CEP112: variants seen among roughly 807,000 people sequenced by gnomAD.
CEP112 encodes the protein centrosomal protein of 112 kDa.
In CEP112, 127 loss-of-function variants were observed where a neutral mutation model predicts 153.0. That is an observed-to-expected ratio of 0.83 (90% CI 0.72 to 0.96). CEP112 has a LOEUF of 0.96. Ranked by LOEUF, CEP112 falls within the 40% of genes least tolerant of loss-of-function variation. CEP112 has a pLI of 0.00. For missense variants in CEP112, 1,089 were observed against 1,101.2 expected (o/e 0.99, Z 0.16); for synonymous variants, 358 against 374.4 (o/e 0.96, Z 0.51).
chr17:66,074,860 T>TAAAAA (rs34251281), intron 8 of CEP112, among the ~76,000 whole-genome samples: 6 of 95,698 alleles, frequency 6.3e-5, no homozygotes, highest in African/African-American at 2.5e-4. Context: ...AGGCTCTGTC[T>TAAAAA]AAAAAAAAAA....
At chr17:66,080,382 C>T (rs1018468160) in intron 8 of CEP112, among the ~76,000 whole-genome samples, 2 of 152,188 alleles carry the variant, frequency 1.3e-5, no homozygotes, top group African/African-American at 2.4e-5. Flanking sequence ...CAAAAGAAGA[C>T]GTTTATACGG....
intron 12 of CEP112, among the ~76,000 whole-genome samples, chr17:66,034,947 T>C (rs9894549): frequency 0.92 from 125,369 of 135,886 alleles, 58,150 homozygotes; most frequent in East Asian, 0.97. Context: ...TACAGGCATG[T>C]GCCACCATGC....
chr17:65,650,251 G>A (rs1447519730), intron 24 of CEP112, among the ~76,000 whole-genome samples: 1 of 152,164 alleles, frequency 6.6e-6, no homozygotes, highest in Admixed American at 6.5e-5. Flanking sequence ...CAGGGAGGGT[G>A]CAGATCTAGG....
chr17:65,840,234 GAGGA>G (rs1237509348), intron 21 of CEP112, among the ~76,000 whole-genome samples: 1 of 152,110 alleles, frequency 6.6e-6, no homozygotes, highest in Admixed American at 6.5e-5. Flanking sequence ...TATAAAGCTA[GAGGA>G]ATTGCACCAT....
intron 21 of CEP112, among the ~76,000 whole-genome samples, chr17:65,763,136 T>A (rs988214319): frequency 6.6e-5 from 10 of 152,098 alleles, no homozygotes; most frequent in African/African-American, 2.2e-4. Flanking sequence ...CTTCTCTCTC[T>A]TCACGCTTGC....
chr17:65,958,809 C>G (rs2062092402), intron 18 of CEP112, among the ~76,000 whole-genome samples: 1 of 152,148 alleles, frequency 6.6e-6, no homozygotes, highest in South Asian at 2.1e-4. Context: ...GGCTGGGAGG[C>G]CTGGCTGCAA....
At chr17:65,966,449 G>A (rs2062418680) in intron 17 of CEP112, among the ~76,000 whole-genome samples, 1 of 152,300 alleles carries the variant, frequency 6.6e-6, no homozygotes, top group South Asian at 2.1e-4. Flanking sequence ...CAACATGTAT[G>A]TATAAGGCTT....
chr17:65,767,433 A>T (rs2053053226), intron 21 of CEP112, among the ~76,000 whole-genome samples: 1 of 152,126 alleles, frequency 6.6e-6, no homozygotes, highest in South Asian at 2.1e-4. Context: ...GTCTACATTT[A>T]AAAAGAAGAT....
intron 24 of CEP112, among the ~76,000 whole-genome samples, chr17:65,651,701 CCTTT>C (rs757651053): frequency 2.1e-5 from 3 of 145,238 alleles, no homozygotes; most frequent in African/African-American, 7.6e-5. Context: ...TTCCTTCCTT[CCTTT>C]CTTTTCTTTC....
chr17:65,952,650 T>G (rs1257107719), intron 18 of CEP112, among the ~76,000 whole-genome samples: 2 of 152,168 alleles, frequency 1.3e-5, no homozygotes, highest in Non-Finnish European at 2.9e-5. Flanking sequence ...GACTGACATA[T>G]ATGGTCATTG....
intron 20 of CEP112, among the ~76,000 whole-genome samples, chr17:65,861,637 T>C (rs2058313041): frequency 6.6e-6 from 1 of 152,174 alleles, no homozygotes; most frequent in African/African-American, 2.4e-5. Flanking sequence ...ATGGTAAACA[T>C]GAAAAGGTGC....
chr17:65,731,965 C>G (rs2050533066), intron 23 of CEP112, among the ~76,000 whole-genome samples: 1 of 152,200 alleles, frequency 6.6e-6, no homozygotes. Context: ...CTTCCAAACT[C>G]CTGTTAATGT....
In CEP112 at chr17:65,903,980, A is replaced by G. The variant is rs897018718; in HGVS notation, c.1981-1646T>C. Among the ~76,000 whole-genome samples the G allele has an allele frequency of 2.0e-5, 3 of 152,224 alleles. No individual in the cohort carries two copies. The East Asian group carries it at 5.8e-4, about 29-fold the overall frequency. ...AATGTATCTCAAAATATTAAGAGCT[A>G]TTTATGACAAACCCACAGCCAATAT... On this transcript the variant is annotated intron_variant, in intron 19 of 26. Coordinates refer to ENST00000535342, the MANE Select transcript of CEP112 (RefSeq NM_001199165.4).
intron 16 of CEP112, among the ~76,000 whole-genome samples, chr17:66,016,774 C>T (rs1859917024): frequency 6.6e-6 from 1 of 152,004 alleles, no homozygotes; most frequent in South Asian, 2.1e-4. Flanking sequence ...TCAGAACTGC[C>T]ACATAAAAGC....
chr17:66,034,001 T>C (rs1424295589), intron 12 of CEP112, among the ~76,000 whole-genome samples: 1 of 152,178 alleles, frequency 6.6e-6, no homozygotes, highest in Non-Finnish European at 1.5e-5. Flanking sequence ...GAGACCCACT[T>C]ACATGAAGGG....
chr17:65,660,478 CCTTCCTTCCT>C (rs1366128494), intron 24 of CEP112, among the ~76,000 whole-genome samples: 2 of 72,832 alleles, frequency 2.7e-5, no homozygotes, highest in African/African-American at 2.0e-4. Flanking sequence ...TTCCTTCCTT[CCTTCCTTCCT>C]TCCTTCCTTC....
chr17:66,056,034 A>G (rs1227987333), intron 11 of CEP112, among the ~76,000 whole-genome samples: 7 of 152,218 alleles, frequency 4.6e-5, no homozygotes, highest in Non-Finnish European at 1.0e-4. Flanking sequence ...GGGATAAACT[A>G]TCTTAGTAGC....
chr17:66,094,000 A>G (rs2146263894), intron 8 of CEP112, among the ~76,000 whole-genome samples: 1 of 152,240 alleles, frequency 6.6e-6, no homozygotes, highest in Middle Eastern at 3.4e-3. Flanking sequence ...GAAACAGAAC[A>G]GGGAACCCAG....
rs146880913 is a variant in CEP112, at chr17:66,063,958, C to T, written c.956-877G>A. 1.0e-3 allele frequency among the ~76,000 whole-genome samples: 157 copies of T among 152,272 alleles called. 1 individual carries two copies. Among genetic ancestry groups the T allele is most frequent in the Non-Finnish European group, 5.0e-4 (34 of 68,004 alleles). On this transcript the variant is annotated intron_variant, in intron 10 of 26. Transcript: ENST00000535342. The stretch of plus-strand genomic sequence containing the variant: ...CCCTTATTGAAAAACTCCTACTCAT[C>T]CTTAGACTCTCAACTGAAAAATCAC...
Sources: gnomAD v4.1 joint callset for allele counts (sites outside exome capture counted in the v4.1 genomes callset) on GRCh38, gnomAD v4.1.1 for gene constraint, MANE v1.5 for transcripts, NCBI Gene and HGNC (gene_info 2026-07-23, HGNC 2026-07-21) for gene names.